The following NFAM1 variants were observed in gnomAD, a reference collection of about 807,000 sequenced individuals.
The protein encoded by NFAM1 is NFAT activation molecule 1.
Under a neutral mutation model 29.0 loss-of-function variants are expected in NFAM1, and 17 were observed. The ratio of observed to expected loss-of-function variants is 0.59; its 90% CI spans 0.40 to 0.88. The LOEUF is 0.88. NFAM1 is among the 40% of genes least tolerant of loss of function. The pLI is 0.00. For synonymous variants in NFAM1, 175 were observed against 147.2 expected (o/e 1.19, Z -1.36); for missense variants, 324 against 344.6 (o/e 0.94, Z 0.47).
At chr22:42,413,141 TA>T (rs979606609) in intron 1 of NFAM1, among the ~76,000 whole-genome samples, 2 of 152,218 alleles carry the variant, frequency 1.3e-5, no homozygotes, top group African/African-American at 4.8e-5. Context: ...CAGACAGTTC[TA>T]AATTGAGGTC....
chr22:42,381,730 T>C lies in NFAM1; in HGVS notation c.*3431A>G. ...CTCAAGCCACCCCATCCCCCTTAGCTTTTCCCCTCCAGGCCCATTCATTCA... is the reference window on the plus strand; with the variant it reads ...CTCAAGCCACCCCATCCCCCTTAGCCTTTCCCCTCCAGGCCCATTCATTCA... On this transcript the variant is annotated 3_prime_UTR_variant, in exon 6 of 6. Coordinates refer to ENST00000329021, the MANE Select transcript of NFAM1 (RefSeq NM_145912.8). 1 of 153,566 alleles carries C rather than the reference T, an allele frequency of 6.5e-6. No homozygotes were observed. Among genetic ancestry groups the C allele is most frequent in the Non-Finnish European group, 1.5e-5 (1 of 68,904 alleles). 9.5% of individuals were successfully genotyped at this position (153,566 alleles called of 1,614,324 possible).
chr22:42,424,198 A>G (rs533724971), intron 1 of NFAM1, among the ~76,000 whole-genome samples: 52 of 152,132 alleles, frequency 3.4e-4, no homozygotes, highest in African/African-American at 1.0e-3. Context: ...GGCGGATCAC[A>G]ACGTCAGGAG....
Position 42,398,056 on chromosome 22 carries a change from C to A in NFAM1, c.565-100G>T, listed in dbSNP as rs1929593028. ...AGGATGGCAGATTGTCATGAGGTCA[C>A]ACAGAGATTCATCACTCAGTCCCTC... On this transcript the variant is annotated intron_variant, in intron 3 of 5. Coordinates refer to ENST00000329021, the MANE Select transcript of NFAM1 (RefSeq NM_145912.8). The A allele has an allele frequency of 1.1e-5, 7 of 635,064 alleles. No individual in the cohort carries two copies. The South Asian group carries it at 1.3e-4, about 12-fold the overall frequency. 39.3% of individuals were successfully genotyped at this position (635,064 alleles called of 1,614,324 possible). A position where few individuals can be genotyped will look rare whatever the true frequency, so the allele number is the denominator to read the frequency against.
chr22:42,437,019 ATG>A (rs754074678), upstream of NFAM1: 102 of 984,354 alleles, frequency 1.0e-4, no homozygotes, highest in Non-Finnish European at 1.2e-4. Context: ...TCCCCCTGCT[ATG>A]CTCAGTTTCT....
At chr22:42,429,487 G>A (rs370900186) in intron 1 of NFAM1, among the ~76,000 whole-genome samples, 2 of 152,166 alleles carry the variant, frequency 1.3e-5, no homozygotes, top group Non-Finnish European at 2.9e-5. Context: ...ATGGTGGTGG[G>A]TGCCTGCAAT....
At chr22:42,426,347 T>A (rs753085944) in intron 1 of NFAM1, among the ~76,000 whole-genome samples, 53 of 152,174 alleles carry the variant, frequency 3.5e-4, no homozygotes, top group Admixed American at 2.2e-3. Context: ...CCTCAGCACC[T>A]GCAATGGGGT....
chr22:42,415,948 C>A (rs1930247589), intron 1 of NFAM1, among the ~76,000 whole-genome samples: 1 of 152,152 alleles, frequency 6.6e-6, no homozygotes, highest in South Asian at 2.1e-4. Context: ...GCAGAAAGAG[C>A]CTGAGGCAGA....
At chr22:42,401,207 A>C (rs1303632315) in intron 3 of NFAM1, among the ~76,000 whole-genome samples, 1 of 152,154 alleles carries the variant, frequency 6.6e-6, no homozygotes. Flanking sequence ...ACACGGGAGG[A>C]ACTTCAAAGC....
At chr22:42,429,119 C>T (rs1464391358) in intron 1 of NFAM1, among the ~76,000 whole-genome samples, 3 of 152,208 alleles carry the variant, frequency 2.0e-5, no homozygotes, top group Non-Finnish European at 4.4e-5. Context: ...GCCGTGGGCT[C>T]ACCAACTGCA....
intron 4 of NFAM1, among the ~76,000 whole-genome samples, chr22:42,392,328 G>A (rs1219589940): frequency 1.3e-5 from 2 of 152,140 alleles, no homozygotes; most frequent in Admixed American, 1.3e-4. Flanking sequence ...AGAGCTCAAG[G>A]GTGTCAGATG....
chr22:42,406,405 G>T (rs1415520960), intron 3 of NFAM1, among the ~76,000 whole-genome samples: 1 of 152,160 alleles, frequency 6.6e-6, no homozygotes, highest in Non-Finnish European at 1.5e-5. Context: ...ATCACATAGA[G>T]TAAGGGCTAA....
At chr22:42,402,343 C>G (rs921215239) in intron 3 of NFAM1, among the ~76,000 whole-genome samples, 1 of 152,200 alleles carries the variant, frequency 6.6e-6, no homozygotes, top group African/African-American at 2.4e-5. Context: ...CACCCTCAGG[C>G]CCCCACGTGG....
intron 3 of NFAM1, among the ~76,000 whole-genome samples, chr22:42,400,579 T>G (rs1929693547): frequency 6.6e-6 from 1 of 152,144 alleles, no homozygotes; most frequent in African/African-American, 2.4e-5. Context: ...ATTGCACCAT[T>G]GCACTCCAGC....
chr22:42,424,349 A>G (rs888320873), intron 1 of NFAM1, among the ~76,000 whole-genome samples: 2 of 152,112 alleles, frequency 1.3e-5, no homozygotes, highest in Non-Finnish European at 2.9e-5. Flanking sequence ...AGGGAGGCAG[A>G]GCTTGCGATG....
chr22:42,411,347 A>G, intron 2 of NFAM1, 60 bp downstream of exon 2: 2 of 1,358,294 alleles, frequency 1.5e-6, no homozygotes, highest in Non-Finnish European at 2.1e-6. Context: ...CCAAAGTCCC[A>G]AACTGCCATT....
At chr22:42,411,819 C>G in intron 1 of NFAM1, 83 bp from the exon 2 acceptor site, 2 of 932,108 alleles carry the variant, frequency 2.1e-6, no homozygotes, top group Non-Finnish European at 3.4e-6. Context: ...GGCTCACGAC[C>G]GGGTGCGGTG....
Position 42,409,397 on chromosome 22 carries a change from G to T in NFAM1, c.564+38C>A. The T allele has an allele frequency of 2.6e-6, 3 of 1,170,574 alleles. No individual in the cohort carries two copies. The highest frequency in any genetic ancestry group is 3.5e-6 in the Non-Finnish European group (3 of 845,776). 72.5% of individuals were successfully genotyped at this position (1,170,574 alleles called of 1,614,324 possible). A position where few individuals can be genotyped will look rare whatever the true frequency, so the allele number is the denominator to read the frequency against. On this transcript the variant is annotated intron_variant, in intron 3 of 5. Coordinates refer to ENST00000329021, the MANE Select transcript of NFAM1 (RefSeq NM_145912.8). This position sits in a 1 kb window ranked among gnomAD's most constrained non-coding sequence, Gnocchi z 4.9. ...AGGCGGGCAGCCGGTGGCGTGTCGG[G>T]TGGAGGGGCTGCATGGCTGTGAGCA...
chr22:42,402,714 C>T (rs1157858129), intron 3 of NFAM1, among the ~76,000 whole-genome samples: 1 of 152,128 alleles, frequency 6.6e-6, no homozygotes, highest in Non-Finnish European at 1.5e-5. Flanking sequence ...TCAAGTCAGG[C>T]AGGAGCCCCC....
chr22:42,400,254 G>A (rs1239799583), intron 3 of NFAM1, among the ~76,000 whole-genome samples: 2 of 152,232 alleles, frequency 1.3e-5, no homozygotes, highest in Non-Finnish European at 2.9e-5. Flanking sequence ...TACGAAGTCT[G>A]CTGGGACTTG....
Sources: gnomAD v4.1 joint callset for allele counts (sites outside exome capture counted in the v4.1 genomes callset) on GRCh38, gnomAD v4.1.1 for gene constraint, Gnocchi (gnomAD v3.1) non-coding constraint, MANE v1.5 for transcripts, NCBI Gene and HGNC (gene_info 2026-07-23, HGNC 2026-07-21) for gene names.